Variants in FANCG observed in about 807,000 individuals in gnomAD.
The protein encoded by FANCG is Fanconi anemia group G protein.
FANCG carries 67 observed loss-of-function variants against 73.3 expected under a neutral mutation model. That is an observed-to-expected ratio of 0.91 (90% CI 0.75 to 1.12). The LOEUF is 1.12. FANCG is among the 50% of genes most tolerant of loss of function. FANCG has a pLI of 0.00. For synonymous variants in FANCG, 297 were observed against 311.6 expected, an observed-to-expected ratio of 0.95 and a Z score of 0.49; for missense variants, 643 against 735.6, an observed-to-expected ratio of 0.87 and a Z score of 1.46.
Position 35,075,978 on chromosome 9 carries a change from T to G in FANCG, c.1127A>C (p.Asp376Ala), listed in dbSNP as rs1191373575. The G allele has an allele frequency of 4.4e-5, 71 of 1,614,038 alleles. No homozygotes were observed. The highest frequency in any genetic ancestry group is 5.9e-5 in the Non-Finnish European group (70 of 1,180,042). Reference protein sequence around the residue: ...HYLDLLALLLDSSEPRFSPPP... With the variant: ...HYLDLLALLLASSEPRFSPPP... Reference sequence around the variant, plus strand: ...CACACCCACCCTTGGCTCCGAGCTATCCAGCAACAGGGCCAGCAGGTCCAA... The same window carrying G: ...CACACCCACCCTTGGCTCCGAGCTAGCCAGCAACAGGGCCAGCAGGTCCAA... The change falls in exon 9 of 14, where the codon GAT (aspartate) becomes GCT (alanine). Residue 376 changes from aspartate (D) to alanine (A), a missense_variant. By Grantham distance (126) the Asp-to-Ala change is moderately radical. Transcript: ENST00000378643.
chr9:35,078,603 A>C lies in FANCG; in HGVS notation c.307+2T>G. ...GAATCAGGGACAATCTCTGGCCCTCACCTCTCTCTAGGCTCCGCTGGATAT... is the reference window on the plus strand; with the variant it reads ...GAATCAGGGACAATCTCTGGCCCTCCCCTCTCTCTAGGCTCCGCTGGATAT... On this transcript the variant is annotated splice_donor_variant, in intron 3 of 13. Coordinates refer to ENST00000378643, the MANE Select transcript of FANCG (RefSeq NM_004629.2). LOFTEE classifies it high-confidence loss of function. 6.2e-7 allele frequency: 1 copy of C among 1,614,050 alleles called. No individual in the cohort carries two copies. Among genetic ancestry groups the C allele is most frequent in the African/African-American group, 1.3e-5 (1 of 74,994 alleles).
chr9:35,075,846 C>G, intron 9 of FANCG, 92 bp from the exon 10 acceptor site: 1 of 1,523,520 alleles, frequency 6.6e-7, no homozygotes, highest in Non-Finnish European at 9.1e-7. Context: ...GAGTCCTGGG[C>G]CCCCAGACTG....
chr9:35,075,740 G>C lies in FANCG; in HGVS notation c.1158C>G (p.Pro386=), dbSNP rs201041980. 1.3e-4 allele frequency: 79 copies of C among 588,344 alleles called. No homozygotes were observed. Among genetic ancestry groups the C allele is most frequent in the Non-Finnish European group, 2.1e-4 (67 of 319,760 alleles). The allele number at this position is 588,344 out of a possible 1,614,324, so 36.4% of individuals were successfully genotyped here. Residue 386 remains proline, a synonymous_variant, in exon 10 of 14, where the codon CCC becomes CCG. Transcript: ENST00000378643. ...DSSEPRFSPP[P]SPPGPCMPEV... ...CAGGCATACAGGGCCCTGGAGGGGAGGGGGGTGGGGAGAACTGGAGTGGGA... is the reference window on the plus strand; with the variant it reads ...CAGGCATACAGGGCCCTGGAGGGGACGGGGGTGGGGAGAACTGGAGTGGGA...
rs1389352323 is a variant in FANCG, at chr9:35,079,555, G to A, written c.-31C>T. 8 of 1,611,366 alleles carry A rather than the reference G, an allele frequency of 5.0e-6. No homozygotes were observed. Among genetic ancestry groups the A allele is most frequent in the South Asian group, 2.2e-5 (2 of 91,030 alleles). On this transcript the variant is annotated 5_prime_UTR_variant, in exon 1 of 14. Coordinates refer to ENST00000378643, the MANE Select transcript of FANCG (RefSeq NM_004629.2). The stretch of plus-strand genomic sequence containing the variant: ...CCGAGGCTGGGCCCGGAGACCAGAA[G>A]CGGACTTAGGAAGGGTGAAGCTGGC...
chr9:35,076,362 A>T, intron 8 of FANCG, 70 bp downstream of exon 8: 1 of 1,584,018 alleles, frequency 6.3e-7, no homozygotes, highest in Non-Finnish European at 8.7e-7. Context: ...CAAGAACAAA[A>T]GCAGAGTCAC....
chr9:35,076,670 T>C, intron 7 of FANCG, 54 bp downstream of exon 7: 2 of 1,614,128 alleles, frequency 1.2e-6, no homozygotes, highest in Non-Finnish European at 1.7e-6. Flanking sequence ...AGTCACCCCA[T>C]CACAAGCACC....
intron 13 of FANCG, 44 bp from the exon 14 acceptor site, chr9:35,074,260 G>C: frequency 6.2e-7 from 1 of 1,612,376 alleles, no homozygotes; most frequent in South Asian, 1.1e-5. Context: ...AAGATTGGCA[G>C]AAAGCTGGGC....
chr9:35,076,990 C>A lies in FANCG; in HGVS notation c.758G>T (p.Gly253Val). 1 of 1,614,192 alleles carries A rather than the reference C, an allele frequency of 6.2e-7. No homozygotes were observed. The highest frequency in any genetic ancestry group is 1.1e-5 in the South Asian group (1 of 91,084). Residue 253 changes from glycine (G) to valine (V), a missense_variant, in exon 6 of 14, where the codon GGG becomes GTG. Physicochemically the swap from Gly to Val is moderately radical, Grantham distance 109. Coordinates refer to ENST00000378643, the MANE Select transcript of FANCG (RefSeq NM_004629.2). Reference sequence around the variant, plus strand: ...CTTTACCATCTTACGGTGACAGGACCCCAGTGCTGTGTACACCTGGACCAA... The same window carrying A: ...CTTTACCATCTTACGGTGACAGGACACCAGTGCTGTGTACACCTGGACCAA... ...PVLVQVYTAL[G>V]SCHRKMGNPQ...
chr9:35,079,215 C>G lies in FANCG; in HGVS notation c.111G>C (p.Leu37=). The change falls in exon 2 of 14, where the codon CTG becomes CTC. Residue 37 remains leucine, a synonymous_variant. Coordinates refer to ENST00000378643, the MANE Select transcript of FANCG (RefSeq NM_004629.2). ...CATCCTGAGCCAACTGCTGTCGCCT[C>G]AGAGTCAGACCGGAGTTCTGAGCCA... ...AKVAQNSGLT[L]RRQQLAQDAL... 1.2e-6 allele frequency: 2 copies of G among 1,608,136 alleles called. No individual in the cohort carries two copies. Among genetic ancestry groups the G allele is most frequent in the Non-Finnish European group, 1.7e-6 (2 of 1,177,554 alleles).
chr9:35,075,894 C>G, intron 9 of FANCG, 68 bp downstream of exon 9: 2 of 1,582,970 alleles, frequency 1.3e-6, no homozygotes, highest in Non-Finnish European at 1.7e-6. Context: ...AAATTGCAGT[C>G]TTGCTGTATT....
Position 35,079,683 on chromosome 9 carries a change from C to A in FANCG, c.-159G>T. 1.4e-6 allele frequency: 1 copy of A among 726,480 alleles called. No homozygotes were observed. The highest frequency in any genetic ancestry group is 2.4e-6 in the Non-Finnish European group (1 of 416,642). 45.0% of individuals were successfully genotyped at this position (726,480 alleles called of 1,614,324 possible). On this transcript the variant is annotated 5_prime_UTR_variant, in exon 1 of 14. Transcript: ENST00000378643. Reference sequence around the variant, plus strand: ...GTCCCAATCCACCCGCCCAGGCTTTCCAGGACAGATGGGACGCTCTCTCCC... The same window carrying A: ...GTCCCAATCCACCCGCCCAGGCTTTACAGGACAGATGGGACGCTCTCTCCC...
intron 4 of FANCG, 117 bp from the exon 5 acceptor site, chr9:35,077,516 G>T: frequency 7.9e-7 from 1 of 1,268,126 alleles, no homozygotes; most frequent in Non-Finnish European, 1.1e-6. Flanking sequence ...TGAGGACACA[G>T]GCCTCAGCTA....
intron 7 of FANCG, 25 bp from the exon 8 acceptor site, chr9:35,076,608 A>G (rs768922471): frequency 1.2e-5 from 19 of 1,614,082 alleles, no homozygotes; most frequent in Non-Finnish European, 1.6e-5. Context: ...AAAAAATTGT[A>G]TCTATAATCT....
In FANCG at chr9:35,073,935, T is replaced by A; in HGVS notation, c.*173A>T. 1 of 681,206 alleles carries A rather than the reference T, an allele frequency of 1.5e-6. No individual in the cohort carries two copies. Among genetic ancestry groups the A allele is most frequent in the Non-Finnish European group, 2.7e-6 (1 of 372,976 alleles). The allele number at this position is 681,206 out of a possible 1,614,324, so 42.2% of individuals were successfully genotyped here. ...CTTGGTGGTGGCAGAGATTGTTTCC[T>A]CCAAAACGAGAATGGTAGTAACTAG... On this transcript the variant is annotated 3_prime_UTR_variant, in exon 14 of 14. Coordinates refer to ENST00000378643, the MANE Select transcript of FANCG (RefSeq NM_004629.2).
intron 4 of FANCG, chr9:35,077,861 C>G: frequency 4.0e-6 from 2 of 499,156 alleles, no homozygotes; most frequent in Non-Finnish European, 7.3e-6. Flanking sequence ...TTGCCTCCAC[C>G]TCTTGGGTTC....
rs1000355215 is a variant in FANCG at position 35,074,946 on chromosome 9, G to A, written c.1617C>T (p.Leu539=). Residue 539 remains leucine, a synonymous_variant, in exon 12 of 14, where the codon CTC becomes CTT. Transcript: ENST00000378643. ...ACATACCTGGGCACATCTGCACACT[G>A]AGGAGGAAGTCCTGTAAGGCTTTGG... ...QDTKALQDFL[L]SVQMCPGNRD... The A allele has an allele frequency of 1.2e-6, 2 of 1,614,060 alleles. No individual in the cohort carries two copies. Among genetic ancestry groups the A allele is most frequent in the African/African-American group, 1.3e-5 (1 of 74,922 alleles).
In FANCG at chr9:35,078,618, C is replaced by T. The variant is rs773836471; in HGVS notation, c.294G>A (p.Arg98=). 20 of 1,614,052 alleles carry T rather than the reference C, an allele frequency of 1.2e-5. No homozygotes were observed. In the South Asian group the frequency reaches 1.8e-4, roughly 14 times the overall value. Residue 98 remains arginine (R), a synonymous_variant, in exon 3 of 14, where the codon CGG becomes CGA. Coordinates refer to ENST00000378643, the MANE Select transcript of FANCG (RefSeq NM_004629.2). ...TCTGGCCCTCACCTCTCTCTAGGCT[C>T]CGCTGGATATCCTGGGCCTGATCCT... ...FTEDQAQDIQ[R]SLERVLETQE...
Position 35,076,520 on chromosome 9 carries a change from G to A in FANCG, c.988C>T (p.Pro330Ser), listed in dbSNP as rs4986940. The A allele has an allele frequency of 1.2e-3, 1,970 of 1,614,172 alleles. 22 individuals carry two copies. The African/African-American group carries it at 0.022, about 18-fold the overall frequency. Residue 330 changes from proline (P) to serine (S), a missense_variant, in exon 8 of 14, where the codon CCA (proline) becomes TCA (serine). By Grantham distance (74) the Pro-to-Ser change is moderately conservative. Transcript: ENST00000378643. ...AGGGGTGAGGCTAGGTCAGGTGGTG[G>A]CAGTAGTAATTCTACCTCAATGAGA... ...QFLIEVELLL[P>S]PPDLASPLHC... is the part of the protein sequence containing the mutation.
At chr9:35,077,900 A>G in intron 4 of FANCG, 1 of 551,064 alleles carries the variant, frequency 1.8e-6, no homozygotes, top group African/African-American at 1.9e-5. Flanking sequence ...AGCCTCCCAA[A>G]GTGCTGAGAT....
Sources: allele counts gnomAD v4.1 joint callset, GRCh38; gene constraint gnomAD v4.1.1; transcripts MANE v1.5; gene names NCBI Gene and HGNC (gene_info 2026-07-23, HGNC 2026-07-21).